PIAS2: variants seen among roughly 807,000 people sequenced by gnomAD.
PIAS2 encodes protein inhibitor of activated STAT 2.
A neutral mutation model predicts 69.7 loss-of-function variants in PIAS2; 19 were observed. That is an observed-to-expected ratio of 0.27 (90% confidence interval 0.19 to 0.40). The LOEUF (loss-of-function observed/expected upper bound fraction) is 0.40, where lower values mean the gene tolerates loss of function less well. PIAS2 is among the 10% of genes least tolerant of loss of function. PIAS2 has a pLI of 1.00. For missense variants in PIAS2, 624 were observed against 757.0 expected, an observed-to-expected ratio of 0.82 and a Z score of 2.06; for synonymous variants, 261 against 263.2, an observed-to-expected ratio of 0.99 and a Z score of 0.08.
intron 1 of PIAS2, chr18:46,917,076 C>A (rs2058037846): frequency 1.0e-6 from 1 of 988,894 alleles, no homozygotes; most frequent in African/African-American, 1.7e-5. Context: ...GGTGTGCGGA[C>A]CACTGGCAGC....
At chr18:46,879,099 C>T (rs2051743650) in intron 2 of PIAS2, among the ~76,000 whole-genome samples, 1 of 152,180 alleles carries the variant, frequency 6.6e-6, no homozygotes, top group South Asian at 2.1e-4. Context: ...CTATCCGGTT[C>T]TCATCACCTA....
At chr18:46,834,672 T>C (rs898708405) in intron 9 of PIAS2, among the ~76,000 whole-genome samples, 4 of 152,240 alleles carry the variant, frequency 2.6e-5, no homozygotes, top group African/African-American at 7.2e-5. Flanking sequence ...TGGAGTGCAA[T>C]GGCATGACCA....
chr18:46,877,903 A>G (rs2051511352), intron 2 of PIAS2, among the ~76,000 whole-genome samples: 1 of 152,130 alleles, frequency 6.6e-6, no homozygotes, highest in Admixed American at 6.5e-5. Flanking sequence ...TTACACCACT[A>G]TGTTTTGGAA....
intron 5 of PIAS2, among the ~76,000 whole-genome samples, chr18:46,850,992 T>C (rs538254491): frequency 2.0e-5 from 3 of 152,348 alleles, no homozygotes; most frequent in South Asian, 2.1e-4. Flanking sequence ...TTGAGTCTAC[T>C]ATAATCATTA....
intron 9 of PIAS2, among the ~76,000 whole-genome samples, chr18:46,834,147 GAAC>G (rs1194377644): frequency 6.6e-6 from 1 of 152,020 alleles, no homozygotes; most frequent in Non-Finnish European, 1.5e-5. Flanking sequence ...ATGTATGACG[GAAC>G]AACTGCACAA....
Position 46,805,182 on chromosome 18 carries a change from T to C in PIAS2, c.*7251A>G, listed in dbSNP as rs1246407920. On this transcript the variant is annotated 3_prime_UTR_variant, in exon 14 of 14. Transcript: ENST00000585916. ...CTGATGAGAATGGGCAAAGGAACTA[T>C]GCTACGTCATGTCGGAGGATGGATA... 1 of 152,212 alleles carries C rather than the reference T, an allele frequency of 6.6e-6. No homozygotes were observed. Among genetic ancestry groups the C allele is most frequent in the Non-Finnish European group, 1.5e-5 (1 of 68,054 alleles). 9.4% of individuals were successfully genotyped at this position (152,212 alleles called of 1,614,324 possible).
At chr18:46,913,645 A>T (rs570660910) in intron 1 of PIAS2, among the ~76,000 whole-genome samples, 12 of 152,166 alleles carry the variant, frequency 7.9e-5, no homozygotes, top group Admixed American at 2.6e-4. Context: ...TAACCAGGTT[A>T]AAGTGTAGCA....
intron 1 of PIAS2, among the ~76,000 whole-genome samples, chr18:46,900,768 G>A (rs568819048): frequency 5.3e-5 from 8 of 151,964 alleles, no homozygotes; most frequent in South Asian, 2.1e-4. Context: ...GAGGTCAGGC[G>A]TTCAAGACCA....
At chr18:46,889,934 G>A (rs2053803886) in intron 2 of PIAS2, among the ~76,000 whole-genome samples, 2 of 152,188 alleles carry the variant, frequency 1.3e-5, no homozygotes, top group South Asian at 4.1e-4. Context: ...AAGTGAGATT[G>A]AGGGATGAGT....
At chr18:46,915,248 A>T (rs1330530289) in intron 1 of PIAS2, 1 of 152,200 alleles carries the variant, frequency 6.6e-6, no homozygotes, top group African/African-American at 2.4e-5. Flanking sequence ...ATAAGTATAG[A>T]AAAAATGCTT....
intron 11 of PIAS2, chr18:46,827,376 A>T (rs1466354534): frequency 6.6e-6 from 1 of 152,196 alleles, no homozygotes; most frequent in Admixed American, 6.6e-5. Flanking sequence ...GTAGAATGCC[A>T]TCCTACCCAC....
rs1247190776 is a variant in PIAS2 at position 46,811,337 on chromosome 18, G to A, written c.*1096C>T. 2.6e-5 allele frequency: 4 copies of A among 151,294 alleles called. No homozygotes were observed. The highest frequency in any genetic ancestry group is 2.6e-4 in the Admixed American group (4 of 15,186). The allele number at this position is 151,294 out of a possible 1,614,324, so 9.4% of individuals were successfully genotyped here. A position where few individuals can be genotyped will look rare whatever the true frequency, so the allele number is the denominator to read the frequency against. ...TCACTGCTGAGACTGAAATTACATTGGTGAGAAATATGATCATCATAAATC... is the reference window on the plus strand; with the variant it reads ...TCACTGCTGAGACTGAAATTACATTAGTGAGAAATATGATCATCATAAATC... On this transcript the variant is annotated 3_prime_UTR_variant, in exon 14 of 14. Transcript: ENST00000585916.
chr18:46,851,242 A>C (rs1256753412), intron 5 of PIAS2, among the ~76,000 whole-genome samples: 2 of 152,212 alleles, frequency 1.3e-5, no homozygotes, highest in African/African-American at 4.8e-5. Context: ...TTCTGGCTGC[A>C]CCAAAGGAAC....
In PIAS2 at chr18:46,807,372, TATATATATATA is replaced by T. The variant is rs1373152450; in HGVS notation, c.*5050_*5060del. 2.7e-4 allele frequency: 8 copies of T among 29,352 alleles called. No individual in the cohort carries two copies. The highest frequency in any genetic ancestry group is 1.1e-3 in the South Asian group (1 of 952). 1.8% of individuals were successfully genotyped at this position (29,352 alleles called of 1,614,324 possible). On this transcript the variant is annotated 3_prime_UTR_variant, in exon 14 of 14. Transcript: ENST00000585916. ...GTCAGATTTTATATATATATATATA[TATATATATATA>T]TTTTTTTTTTTTTTTTTTTTTTTTT... is the stretch of plus-strand genomic sequence containing the variant.
At position 46,886,300 on chromosome 18, in the gene PIAS2, T is replaced by C. The variant is rs188594133; in HGVS notation, c.499+4280A>G. Among the ~76,000 whole-genome samples, 319 of 152,268 alleles carry C rather than the reference T, an allele frequency of 2.1e-3. 1 individual carries two copies. The highest frequency in any genetic ancestry group is 7.4e-3 in the African/African-American group (309 of 41,572). ...TAATAGAAAGTAATAAATTTGCTAGTCCTTCAACATAGATAAGGAAAAAAA... is the reference window on the plus strand; with the variant it reads ...TAATAGAAAGTAATAAATTTGCTAGCCCTTCAACATAGATAAGGAAAAAAA... On this transcript the variant is annotated intron_variant, in intron 2 of 13. Coordinates refer to ENST00000585916, the MANE Select transcript of PIAS2 (RefSeq NM_004671.5).
chr18:46,876,254 C>T lies in PIAS2; in HGVS notation c.500-12006G>A, dbSNP rs547213333. ...AAGGATTGTATAACAAGAGATAGCCCTCATGGGTCCTTTGACCCTCACGTT... is the reference window on the plus strand; with the variant it reads ...AAGGATTGTATAACAAGAGATAGCCTTCATGGGTCCTTTGACCCTCACGTT... On this transcript the variant is annotated intron_variant, in intron 2 of 13. Transcript: ENST00000585916. Among the ~76,000 whole-genome samples the T allele has an allele frequency of 3.9e-5, 6 of 152,292 alleles. No individual in the cohort carries two copies. In the East Asian group the frequency reaches 5.8e-4, roughly 15 times the overall value.
chr18:46,888,702 G>C (rs2053593969), intron 2 of PIAS2, among the ~76,000 whole-genome samples: 1 of 152,148 alleles, frequency 6.6e-6, no homozygotes, highest in Non-Finnish European at 1.5e-5. Flanking sequence ...ATGCAATCTA[G>C]ATCCCTTACA....
At chr18:46,885,448 G>T (rs956670226) in intron 2 of PIAS2, among the ~76,000 whole-genome samples, 2 of 151,824 alleles carry the variant, frequency 1.3e-5, no homozygotes, top group Non-Finnish European at 2.9e-5. Context: ...TTGAACTTGG[G>T]AGGCGGAGGT....
chr18:46,858,994 T>C (rs1345091012), intron 3 of PIAS2, among the ~76,000 whole-genome samples: 1 of 152,172 alleles, frequency 6.6e-6, no homozygotes, highest in Non-Finnish European at 1.5e-5. Flanking sequence ...AAGTGAGGTT[T>C]AGTCACCTGT....
Sources: allele counts gnomAD v4.1 joint callset (sites outside exome capture counted in the v4.1 genomes callset), GRCh38; gene constraint gnomAD v4.1.1; transcripts MANE v1.5; gene names NCBI Gene and HGNC (gene_info 2026-07-23, HGNC 2026-07-21).